SOX13: variants seen among roughly 807,000 people sequenced by gnomAD.
The protein encoded by SOX13 is transcription factor SOX-13.
A neutral mutation model predicts 71.8 loss-of-function variants in SOX13; 28 were observed. The ratio of observed to expected loss-of-function variants is 0.39; its 90% CI spans 0.29 to 0.53. SOX13 has a LOEUF of 0.53. Among genes scored for constraint, SOX13 ranks in the 20% least tolerant of loss-of-function variants. The pLI is 0.70. For missense variants in SOX13, 627 were observed against 810.3 expected, an observed-to-expected ratio of 0.77 and a Z score of 2.75; for synonymous variants, 309 against 317.8, an observed-to-expected ratio of 0.97 and a Z score of 0.29.
rs939067246 is a variant in SOX13, at chr1:204,081,841, G to A, written c.-2+8130G>A. 1.3e-5 allele frequency among the ~76,000 whole-genome samples: 2 copies of A among 150,262 alleles called. No homozygotes were observed. The highest frequency in any genetic ancestry group is 3.0e-5 in the Non-Finnish European group (2 of 67,618). Reference sequence around the variant, plus strand: ...ACTCAACCATCCTTGTGAGGTTTTGGTTCTGGCCTGTTCCATGAGGGTGGG... The same window carrying A: ...ACTCAACCATCCTTGTGAGGTTTTGATTCTGGCCTGTTCCATGAGGGTGGG... On this transcript the variant is annotated intron_variant, in intron 1 of 13. Transcript: ENST00000367204. This position sits in a 1 kb window ranked among gnomAD's most constrained non-coding sequence, Gnocchi z 4.3.
At chr1:204,121,656 C>T (rs752369302) in intron 7 of SOX13, among the ~76,000 whole-genome samples, 38 of 152,040 alleles carry the variant, frequency 2.5e-4, no homozygotes, top group African/African-American at 8.7e-4. Flanking sequence ...CTGGGAAACT[C>T]TATTTAGAGT....
chr1:204,106,796 C>T (rs1212256508), intron 1 of SOX13, among the ~76,000 whole-genome samples: 4 of 152,106 alleles, frequency 2.6e-5, no homozygotes, highest in Non-Finnish European at 5.9e-5. Context: ...TGAGCCATCG[C>T]GCCCAGCGAC....
intron 1 of SOX13, among the ~76,000 whole-genome samples, chr1:204,082,406 T>C (rs566363146): frequency 4.4e-4 from 66 of 151,610 alleles, no homozygotes; most frequent in African/African-American, 1.5e-3. Context: ...GAGAGTAGAA[T>C]GGAAGAAAAA....
chr1:204,116,774 A>T lies in SOX13; in HGVS notation c.591+95A>T. ...CCTTAGGGACAGGCCTCACCAGTGCAAGCTGGGGCCTGGGGGCAGGCTGGG... is the reference window on the plus strand; with the variant it reads ...CCTTAGGGACAGGCCTCACCAGTGCTAGCTGGGGCCTGGGGGCAGGCTGGG... On this transcript the variant is annotated intron_variant, in intron 5 of 13. Coordinates refer to ENST00000367204, the MANE Select transcript of SOX13 (RefSeq NM_005686.3). 9.0e-6 allele frequency: 14 copies of T among 1,547,766 alleles called. No individual in the cohort carries two copies. The South Asian group carries it at 1.5e-4, about 17-fold the overall frequency.
chr1:204,115,682 T>TG (rs1656678336), intron 4 of SOX13, among the ~76,000 whole-genome samples: 3 of 135,880 alleles, frequency 2.2e-5, no homozygotes, highest in Admixed American at 7.4e-5. Context: ...TTTTTTTTTT[T>TG]GGAGAGAGAC....
At position 204,127,027 on chromosome 1, in the gene SOX13, C is replaced by A; in HGVS notation, c.*893C>A. On this transcript the variant is annotated 3_prime_UTR_variant, in exon 14 of 14. Coordinates refer to ENST00000367204, the MANE Select transcript of SOX13 (RefSeq NM_005686.3). The stretch of plus-strand genomic sequence containing the variant: ...TGGGCTCATCAGCCTTCCTGACCTC[C>A]TCCTGCCCTCCCCTTCACTCCCTCC... 6.5e-6 allele frequency: 1 copy of A among 153,816 alleles called. No individual in the cohort carries two copies. The allele number at this position is 153,816 out of a possible 1,614,324, so 9.5% of individuals were successfully genotyped here. A position where few individuals can be genotyped will look rare whatever the true frequency, so the allele number is the denominator to read the frequency against.
In SOX13 at chr1:204,082,131, ATG is replaced by A. The variant is rs373770591; in HGVS notation, c.-2+8429_-2+8430del. ...TGTGTGTGAGTGTAATGTGAGTGTG[ATG>A]TGTGTGTGGGTGTATGTGTGGGGGG... On this transcript the variant is annotated intron_variant, in intron 1 of 13. Coordinates refer to ENST00000367204, the MANE Select transcript of SOX13 (RefSeq NM_005686.3). Among the ~76,000 whole-genome samples, 18 of 142,964 alleles carry A rather than the reference ATG, an allele frequency of 1.3e-4. No individual in the cohort carries two copies. In the South Asian group the frequency reaches 2.7e-3, roughly 22 times the overall value. 93.8% of individuals were successfully genotyped at this position (142,964 alleles called of 152,430 possible).
intron 1 of SOX13, among the ~76,000 whole-genome samples, chr1:204,112,440 CAA>C (rs5780211): frequency 7.2e-6 from 1 of 139,762 alleles, no homozygotes. Context: ...GACTCTGTCT[CAA>C]AAAAAAAAAA....
chr1:204,121,942 T>C lies in SOX13; in HGVS notation c.818T>C (p.Val273Ala). Residue 273 changes from valine to alanine, a missense_variant, in exon 8 of 14, where the codon GTG (valine) becomes GCG (alanine). Around this residue, in one of 3 missense-constraint regions of SOX13, gnomAD observed 447 missense variants for 532.2 expected, o/e 0.84. Transcript: ENST00000367204. ...LQLLHSPPAP[V>A]VKRPGAMATH... Reference sequence around the variant, plus strand: ...CTGCTGCACAGCCCCCCTGCCCCAGTGGTGAAGAGGCCTGGGGCCATGGCC... The same window carrying C: ...CTGCTGCACAGCCCCCCTGCCCCAGCGGTGAAGAGGCCTGGGGCCATGGCC... The C allele has an allele frequency of 6.2e-7, 1 of 1,612,576 alleles. No homozygotes were observed. Among genetic ancestry groups the C allele is most frequent in the Non-Finnish European group, 8.5e-7 (1 of 1,178,728 alleles).
intron 1 of SOX13, among the ~76,000 whole-genome samples, chr1:204,091,736 G>A (rs1331177484): frequency 5.1e-5 from 2 of 38,934 alleles, no homozygotes; most frequent in Admixed American, 6.9e-4. Context: ...GCGTGTGCGT[G>A]TGTGTGTGTG....
chr1:204,122,473 C>T (rs1022375178), intron 9 of SOX13, 74 bp downstream of exon 9: 1 of 1,227,858 alleles, frequency 8.1e-7, no homozygotes, highest in Admixed American at 2.5e-5. Flanking sequence ...CGACCTTGAG[C>T]AGGTCCCTTC....
intron 1 of SOX13, among the ~76,000 whole-genome samples, chr1:204,111,849 C>T (rs559388045): frequency 1.2e-4 from 18 of 152,170 alleles, no homozygotes; most frequent in African/African-American, 3.6e-4. Context: ...CCGGCTATTT[C>T]CCCCCGTGTG....
chr1:204,091,733 C>CGT (rs4018610), intron 1 of SOX13, among the ~76,000 whole-genome samples: 21,619 of 150,244 alleles, frequency 0.14, 1,690 homozygotes, highest in East Asian at 0.37. Context: ...TGTGCGTGTG[C>CGT]GTGTGTGTGT....
At position 204,122,651 on chromosome 1, in the gene SOX13, A is replaced by T. The variant is rs1656833497; in HGVS notation, c.1025-203A>T. ...TACTGTTGTCATTTCTAGTCTATTG[A>T]CATGCACAATAACTAGCCAGTGTAA... is the stretch of plus-strand genomic sequence containing the variant. On this transcript the variant is annotated intron_variant, in intron 9 of 13. Transcript: ENST00000367204. The T allele has an allele frequency of 9.9e-6, 6 of 604,608 alleles. No individual in the cohort carries two copies. In the East Asian group the frequency reaches 1.7e-4, roughly 17 times the overall value. 37.5% of individuals were successfully genotyped at this position (604,608 alleles called of 1,614,324 possible). A position where few individuals can be genotyped will look rare whatever the true frequency, so the allele number is the denominator to read the frequency against.
At chr1:204,104,934 T>C (rs1656433824) in intron 1 of SOX13, among the ~76,000 whole-genome samples, 1 of 152,102 alleles carries the variant, frequency 6.6e-6, no homozygotes, top group East Asian at 1.9e-4. Flanking sequence ...AGTTGTTGAC[T>C]GGTTAGAAGA....
intron 1 of SOX13, among the ~76,000 whole-genome samples, chr1:204,080,015 C>T (rs1006961723): frequency 2.0e-5 from 3 of 152,198 alleles, no homozygotes; most frequent in African/African-American, 4.8e-5. Context: ...TCTGTACCCA[C>T]ATGTTGAGGG....
intron 1 of SOX13, among the ~76,000 whole-genome samples, chr1:204,101,048 G>A (rs572403624): frequency 3.9e-5 from 6 of 152,230 alleles, no homozygotes; most frequent in Non-Finnish European, 8.8e-5. Flanking sequence ...GAGTGTTAGG[G>A]AGACAATCCC....
At chr1:204,121,069 T>C (rs1215536503) in intron 7 of SOX13, among the ~76,000 whole-genome samples, 1 of 150,932 alleles carries the variant, frequency 6.6e-6, no homozygotes, top group Non-Finnish European at 1.5e-5. Flanking sequence ...AACCTCCGCC[T>C]CCTGGGTTCA....
At chr1:204,100,586 A>G (rs1656341565) in intron 1 of SOX13, among the ~76,000 whole-genome samples, 1 of 152,244 alleles carries the variant, frequency 6.6e-6, no homozygotes. Context: ...CCACCCATAA[A>G]TAAAGAGGAC....
Sources: allele counts gnomAD v4.1 joint callset (sites outside exome capture counted in the v4.1 genomes callset), GRCh38; gene constraint gnomAD v4.1.1; regional missense constraint gnomAD v4.1.1; non-coding constraint Gnocchi (gnomAD v3.1); transcripts MANE v1.5; gene names NCBI Gene and HGNC (gene_info 2026-07-23, HGNC 2026-07-21).